Variants in CDK5RAP1 observed in about 807,000 individuals in gnomAD.
The protein encoded by CDK5RAP1 is CDK5RAP1 mitochondrial tRNA methylthiotransferase.
CDK5RAP1 carries 62 observed loss-of-function variants against 64.5 expected under a neutral mutation model. That is an observed-to-expected ratio of 0.96 (90% CI 0.78 to 1.19). CDK5RAP1 has a LOEUF of 1.19. Ranked by LOEUF, CDK5RAP1 falls within the 50% of genes most tolerant of loss-of-function variation. The pLI, the probability that CDK5RAP1 is intolerant of heterozygous loss-of-function variation, is 0.00. For missense variants in CDK5RAP1, 657 were observed against 735.0 expected, an observed-to-expected ratio of 0.89 and a Z score of 1.23; for synonymous variants, 250 against 261.9, an observed-to-expected ratio of 0.95 and a Z score of 0.44.
At chr20:33,366,829 A>C (rs1568682058) in intron 12 of CDK5RAP1, 30 bp downstream of exon 12, 3 of 1,571,394 alleles carry the variant, frequency 1.9e-6, no homozygotes, top group East Asian at 2.3e-5. Flanking sequence ...AACATAAAAA[A>C]CAACATAACA....
At chr20:33,399,409 G>C (rs1050022307) in intron 1 of CDK5RAP1, among the ~76,000 whole-genome samples, 1 of 152,120 alleles carries the variant, frequency 6.6e-6, no homozygotes, top group Non-Finnish European at 1.5e-5. Context: ...CGAAGTCTAG[G>C]TGGGGTCCTC....
At chr20:33,371,649 C>T (rs1985034215) in intron 10 of CDK5RAP1, among the ~76,000 whole-genome samples, 1 of 151,954 alleles carries the variant, frequency 6.6e-6, no homozygotes, top group Admixed American at 6.6e-5. Context: ...ATTAGCTGGG[C>T]ATGGTGGCCT....
intron 11 of CDK5RAP1, among the ~76,000 whole-genome samples, chr20:33,367,705 T>C (rs1418645416): frequency 6.6e-6 from 1 of 152,224 alleles, no homozygotes; most frequent in African/African-American, 2.4e-5. Flanking sequence ...TATTCAAGCA[T>C]GTATTACCTA....
Position 33,387,422 on chromosome 20 carries a change from T to G in CDK5RAP1, c.656A>C (p.Glu219Ala). ...RDLPRLLAVA[E>A]SGQQAANVLL... Reference sequence around the variant, plus strand: ...CACGTTGGCAGCTTGCTGGCCCGACTCAGCAACAGCCAGCAGCCGGGGAAG... The same window carrying G: ...CACGTTGGCAGCTTGCTGGCCCGACGCAGCAACAGCCAGCAGCCGGGGAAG... The change falls in exon 6 of 14, where the codon GAG becomes GCG. Residue 219 changes from glutamate to alanine, a missense_variant. Transcript: ENST00000346416. The G allele has an allele frequency of 6.2e-7, 1 of 1,614,096 alleles. No individual in the cohort carries two copies. The highest frequency in any genetic ancestry group is 1.3e-5 in the African/African-American group (1 of 75,024).
rs1217711113 is a variant in CDK5RAP1 at position 33,388,878 on chromosome 20, C to T, written c.545-1345G>A. Among the ~76,000 whole-genome samples, 8 of 152,282 alleles carry T rather than the reference C, an allele frequency of 5.3e-5. No individual in the cohort carries two copies. The East Asian group carries it at 9.7e-4, about 18-fold the overall frequency. The stretch of plus-strand genomic sequence containing the variant: ...CTAACCGGGAGTGATCTGCCAGCCT[C>T]GGCCTCCTGAGGTGCCGGGATTGCA... On this transcript the variant is annotated intron_variant, in intron 5 of 13. Transcript: ENST00000346416.
At chr20:33,360,550 T>C in intron 12 of CDK5RAP1, 59 bp from the exon 13 acceptor site, 3 of 1,498,052 alleles carry the variant, frequency 2.0e-6, no homozygotes, top group South Asian at 2.5e-5. Context: ...TCTTGGAGGG[T>C]AGAAACTGTG....
At chr20:33,372,910 A>C in intron 9 of CDK5RAP1, 2 of 342,090 alleles carry the variant, frequency 5.8e-6, no homozygotes, top group Non-Finnish European at 1.0e-5. Context: ...TTAAGGACAT[A>C]AACTTTTTTT....
chr20:33,368,757 G>C (rs1038210666), intron 11 of CDK5RAP1, among the ~76,000 whole-genome samples: 4 of 152,062 alleles, frequency 2.6e-5, no homozygotes, highest in African/African-American at 9.7e-5. Flanking sequence ...TATAATCCCA[G>C]CTACTCGGGA....
At position 33,379,633 on chromosome 20, in the gene CDK5RAP1, T is replaced by C; in HGVS notation, c.935A>G (p.Glu312Gly). The change falls in exon 8 of 14, where the codon GAG (glutamate) becomes GGG (glycine). Residue 312 changes from glutamate to glycine, a missense_variant. Physicochemically the swap from Glu to Gly is moderately conservative, Grantham distance 98. Coordinates refer to ENST00000346416, the MANE Select transcript of CDK5RAP1 (RefSeq NM_016408.4). ...QNVNSFRDNSEVQFNSAVPTN... is the reference protein window; with the variant it reads ...QNVNSFRDNSGVQFNSAVPTN... ...AGGCACTGCACTGTTGAACTGGACC[T>C]CCGAATTGTCCCGAAAACTATTAAC... 6.2e-7 allele frequency: 1 copy of C among 1,614,130 alleles called. No individual in the cohort carries two copies. Among genetic ancestry groups the C allele is most frequent in the Non-Finnish European group, 8.5e-7 (1 of 1,180,000 alleles).
At chr20:33,397,645 G>T (rs562519290) in intron 1 of CDK5RAP1, among the ~76,000 whole-genome samples, 13 of 152,298 alleles carry the variant, frequency 8.5e-5, no homozygotes, top group African/African-American at 3.1e-4. Context: ...CCTTCAGAAG[G>T]AAAGCAACTA....
chr20:33,387,271 A>C, intron 6 of CDK5RAP1, 52 bp downstream of exon 6: 1 of 1,392,074 alleles, frequency 7.2e-7, no homozygotes. Context: ...AAAAAAAAAA[A>C]AGTGTGAAAG....
chr20:33,372,333 C>T (rs1199583788), intron 10 of CDK5RAP1, among the ~76,000 whole-genome samples: 3 of 145,192 alleles, frequency 2.1e-5, no homozygotes, highest in Admixed American at 6.8e-5. Context: ...TTAGACATAA[C>T]TTTGTCACCT....
At chr20:33,385,472 A>G (rs779919023) in intron 7 of CDK5RAP1, 178 bp downstream of exon 7, 6 of 602,378 alleles carry the variant, frequency 1.0e-5, no homozygotes, top group Non-Finnish European at 1.7e-5. Context: ...CTGCCTCCAT[A>G]GTGGAGCTCT....
At chr20:33,381,353 A>G (rs1397105245) in intron 7 of CDK5RAP1, among the ~76,000 whole-genome samples, 2 of 152,240 alleles carry the variant, frequency 1.3e-5, no homozygotes, top group Non-Finnish European at 2.9e-5. Context: ...AGAAATATTG[A>G]TACAACACTA....
intron 1 of CDK5RAP1, among the ~76,000 whole-genome samples, 181 bp downstream of exon 1, chr20:33,401,247 C>A (rs180799781): frequency 6.6e-6 from 1 of 152,214 alleles, no homozygotes; most frequent in Non-Finnish European, 1.5e-5. Flanking sequence ...CAAGGTCACA[C>A]GGGGTTAGGC....
chr20:33,388,387 C>A (rs376483571), intron 5 of CDK5RAP1, among the ~76,000 whole-genome samples: 2 of 152,158 alleles, frequency 1.3e-5, no homozygotes, highest in East Asian at 3.8e-4. Context: ...TGTTTGTATG[C>A]CCATGTTCAT....
At chr20:33,368,500 G>C (rs1288194674) in intron 11 of CDK5RAP1, among the ~76,000 whole-genome samples, 2 of 137,642 alleles carry the variant, frequency 1.5e-5, no homozygotes. Flanking sequence ...GTAGAGAAGG[G>C]TCTCCCTATG....
chr20:33,396,856 T>C lies in CDK5RAP1; in HGVS notation c.209A>G (p.Lys70Arg), dbSNP rs890497991. The C allele has an allele frequency of 6.2e-7, 1 of 1,614,166 alleles. No individual in the cohort carries two copies. The highest frequency in any genetic ancestry group is 8.5e-7 in the Non-Finnish European group (1 of 1,180,032). ...AAGPTFQHFL[K>R]SASAPQEKLS... ...CTTCTCCTGAGGAGCTGAGGCACTT[T>C]TTAAAAAATGTTGAAAAGTCGGTCC... Residue 70 changes from lysine to arginine, a missense_variant, in exon 2 of 14, where the codon AAA becomes AGA. Transcript: ENST00000346416.
intron 10 of CDK5RAP1, 136 bp from the exon 11 acceptor site, chr20:33,370,765 T>A: frequency 1.2e-6 from 1 of 812,586 alleles, no homozygotes; most frequent in Non-Finnish European, 2.0e-6. Flanking sequence ...TAAAACAAAA[T>A]AGTACAGAGT....
Sources: gnomAD v4.1 joint callset for allele counts (sites outside exome capture counted in the v4.1 genomes callset) on GRCh38, gnomAD v4.1.1 for gene constraint, MANE v1.5 for transcripts, NCBI Gene and HGNC (gene_info 2026-07-23, HGNC 2026-07-21) for gene names.